Variants in AGBL4 observed in about 807,000 individuals in gnomAD.
AGBL4 encodes AGBL carboxypeptidase 4, also known as cytosolic carboxypeptidase 6.
Under a neutral mutation model 66.4 loss-of-function variants are expected in AGBL4, and 58 were observed. The observed-to-expected ratio is 0.87, with a 90% CI of 0.71 to 1.09. AGBL4 has a LOEUF of 1.09. Ranked by LOEUF, AGBL4 falls within the 50% of genes least tolerant of loss-of-function variation. AGBL4 has a pLI of 0.00. For synonymous variants in AGBL4, 234 were observed against 222.9 expected (o/e 1.05, Z -0.44); for missense variants, 579 against 631.0 (o/e 0.92, Z 0.88).
chr1:49,812,659 C>T (rs116006082), intron 2 of AGBL4, among the ~76,000 whole-genome samples: 1,574 of 152,168 alleles, frequency 0.01, 5 homozygotes, highest in Middle Eastern at 0.02. Flanking sequence ...CCACTAATGC[C>T]CACAGTGCTG....
chr1:49,729,313 T>C (rs1233156317), intron 2 of AGBL4, among the ~76,000 whole-genome samples: 3 of 152,132 alleles, frequency 2.0e-5, no homozygotes, highest in Admixed American at 2.0e-4. Flanking sequence ...TCTATACAAA[T>C]TCTTTAAACA....
intron 1 of AGBL4, among the ~76,000 whole-genome samples, chr1:49,895,174 G>C (rs1403383238): frequency 1.3e-5 from 2 of 150,400 alleles, no homozygotes; most frequent in African/African-American, 4.9e-5. Context: ...TACTCTCCTG[G>C]GAAAAGAAGA....
At chr1:49,395,798 T>TACAC (rs1462490357) in intron 3 of AGBL4, among the ~76,000 whole-genome samples, 3 of 134,984 alleles carry the variant, frequency 2.2e-5, no homozygotes, top group African/African-American at 2.8e-5. Flanking sequence ...TGTATATATA[T>TACAC]ACATATATAT....
intron 6 of AGBL4, among the ~76,000 whole-genome samples, chr1:48,803,262 T>C (rs1645849918): frequency 6.6e-6 from 1 of 152,196 alleles, no homozygotes. Flanking sequence ...GCAGGGGCTG[T>C]TATCCAGCAC....
intron 4 of AGBL4, among the ~76,000 whole-genome samples, chr1:49,144,526 T>TACACATCTACAC (rs1646178825): frequency 6.8e-6 from 1 of 146,106 alleles, no homozygotes; most frequent in Non-Finnish European, 1.5e-5. Flanking sequence ...TTACCTAATC[T>TACACATCTACAC]ACACACACAC....
intron 4 of AGBL4, among the ~76,000 whole-genome samples, chr1:49,079,392 A>G (rs139530933): frequency 0.012 from 1,858 of 152,236 alleles, 37 homozygotes; most frequent in African/African-American, 0.043. Flanking sequence ...GAAACTTACA[A>G]TCATGATGGA....
chr1:49,837,542 A>C (rs995524255), intron 2 of AGBL4, among the ~76,000 whole-genome samples: 1 of 152,222 alleles, frequency 6.6e-6, no homozygotes, highest in Non-Finnish European at 1.5e-5. Context: ...GTCAACTATG[A>C]CAATTAAAAC....
intron 6 of AGBL4, among the ~76,000 whole-genome samples, chr1:48,690,550 C>A (rs760301396): frequency 6.6e-6 from 1 of 152,150 alleles, no homozygotes; most frequent in African/African-American, 2.4e-5. Flanking sequence ...CTGAGTCCCA[C>A]TAAGGGTCAC....
At chr1:49,897,282 C>T (rs1649318178) in intron 1 of AGBL4, among the ~76,000 whole-genome samples, 1 of 151,794 alleles carries the variant, frequency 6.6e-6, no homozygotes, top group Non-Finnish European at 1.5e-5. Context: ...AATCAACATA[C>T]AAAAAAATCA....
intron 1 of AGBL4, among the ~76,000 whole-genome samples, chr1:49,953,013 C>T (rs1448160248): frequency 6.6e-6 from 1 of 151,940 alleles, no homozygotes; most frequent in African/African-American, 2.4e-5. Context: ...AGAATTATGG[C>T]TAGCCAGTCT....
chr1:49,147,538 T>C (rs1432500407), intron 4 of AGBL4, among the ~76,000 whole-genome samples: 1 of 152,100 alleles, frequency 6.6e-6, no homozygotes, highest in Non-Finnish European at 1.5e-5. Flanking sequence ...GGTCACACAG[T>C]AGCTAGTATA....
At chr1:49,243,224 T>C (rs113196044) in intron 4 of AGBL4, among the ~76,000 whole-genome samples, 29 of 151,910 alleles carry the variant, frequency 1.9e-4, no homozygotes, top group Non-Finnish European at 3.0e-4. Flanking sequence ...TTTTTTGTTA[T>C]AGTGCTTGCC....
intron 5 of AGBL4, among the ~76,000 whole-genome samples, chr1:48,949,243 AG>A (rs1466413793): frequency 6.6e-6 from 1 of 152,224 alleles, no homozygotes; most frequent in Non-Finnish European, 1.5e-5. Context: ...GCATAGGTAG[AG>A]GGGTGCACAG....
intron 3 of AGBL4, among the ~76,000 whole-genome samples, chr1:49,682,671 G>A (rs940040330): frequency 3.9e-5 from 6 of 152,204 alleles, no homozygotes; most frequent in Non-Finnish European, 1.5e-5. Flanking sequence ...TGTGACCTGT[G>A]CAGCTGCACA....
intron 5 of AGBL4, among the ~76,000 whole-genome samples, chr1:48,886,432 T>A (rs765741725): frequency 3.9e-5 from 6 of 152,244 alleles, no homozygotes; most frequent in Non-Finnish European, 7.3e-5. Context: ...AAAACATGTA[T>A]TTCTTTAAGT....
chr1:49,171,038 C>T (rs1393370351), intron 4 of AGBL4, among the ~76,000 whole-genome samples: 1 of 152,104 alleles, frequency 6.6e-6, no homozygotes, highest in Non-Finnish European at 1.5e-5. Flanking sequence ...AGTCTTAAGG[C>T]CAGTCCAGAC....
At chr1:49,809,149 C>A (rs1645040211) in intron 2 of AGBL4, among the ~76,000 whole-genome samples, 1 of 152,034 alleles carries the variant, frequency 6.6e-6, no homozygotes, top group Non-Finnish European at 1.5e-5. Context: ...CTTGTAGCAT[C>A]CAATTACATT....
chr1:49,449,335 G>A (rs1415566857), intron 3 of AGBL4, among the ~76,000 whole-genome samples: 1 of 151,992 alleles, frequency 6.6e-6, no homozygotes, highest in African/African-American at 2.4e-5. Flanking sequence ...GGGAGGAGTG[G>A]TCACAGTGAT....
At chr1:49,563,399 G>T (rs1024824930) in intron 3 of AGBL4, among the ~76,000 whole-genome samples, 1 of 152,132 alleles carries the variant, frequency 6.6e-6, no homozygotes, top group African/African-American at 2.4e-5. Flanking sequence ...TTTTCAAAGG[G>T]AATGCTTCCA....
Sources: allele counts gnomAD v4.1 joint callset (sites outside exome capture counted in the v4.1 genomes callset), GRCh38; gene constraint gnomAD v4.1.1; transcripts MANE v1.5; gene names NCBI Gene and HGNC (gene_info 2026-07-23, HGNC 2026-07-21).